The following ZSWIM5 variants were observed in gnomAD, a reference collection of about 807,000 sequenced individuals.
ZSWIM5 encodes zinc finger SWIM domain-containing protein 5.
ZSWIM5 carries 55 observed loss-of-function variants against 119.6 expected under a neutral mutation model. That is an observed-to-expected ratio of 0.46 (90% confidence interval 0.37 to 0.58). The LOEUF (loss-of-function observed/expected upper bound fraction) is 0.58, where lower values mean the gene tolerates loss of function less well. ZSWIM5 is among the 20% of genes least tolerant of loss of function. The probability of loss-of-function intolerance (pLI) is 0.00; values close to 1 mark genes in which losing one functional copy is unlikely to be tolerated. For missense variants in ZSWIM5, 1,193 were observed against 1,512.8 expected, an observed-to-expected ratio of 0.79 and a Z score of 3.51; for synonymous variants, 537 against 606.9, an observed-to-expected ratio of 0.88 and a Z score of 1.69.
chr1:45,078,071 A>G (rs774916119), intron 2 of ZSWIM5, among the ~76,000 whole-genome samples: 3 of 152,240 alleles, frequency 2.0e-5, no homozygotes, highest in African/African-American at 4.8e-5. Flanking sequence ...GACAGGATTA[A>G]GAGATTAAAG....
chr1:45,174,253 G>A (rs2149046248), intron 1 of ZSWIM5, among the ~76,000 whole-genome samples: 1 of 152,132 alleles, frequency 6.6e-6, no homozygotes, highest in East Asian at 1.9e-4. Context: ...CAGCCTGGGT[G>A]AGAAAGCGAG....
intron 1 of ZSWIM5, among the ~76,000 whole-genome samples, chr1:45,092,548 C>G (rs532434407): frequency 1.8e-5 from 2 of 113,470 alleles, no homozygotes; most frequent in African/African-American, 3.4e-5. Context: ...ACCCCCCCCC[C>G]CCCGCCAGCC....
At chr1:45,105,029 G>C (rs910720633) in intron 1 of ZSWIM5, among the ~76,000 whole-genome samples, 2 of 152,112 alleles carry the variant, frequency 1.3e-5, no homozygotes, top group African/African-American at 4.8e-5. Flanking sequence ...TCGGCTCGCC[G>C]CAACCTCCCT....
At position 45,206,586 on chromosome 1, in the gene ZSWIM5, G is replaced by A. The variant is rs1646194355; in HGVS notation, c.-236C>T. On this transcript the variant is annotated 5_prime_UTR_variant, in exon 1 of 14. Transcript: ENST00000359600. ...GCGTGAGGCGGCGCGCGGTGTCCTG[G>A]CCGCCGCGGACGCGAAGACAGGCGG... 2 of 971,124 alleles carry A rather than the reference G, an allele frequency of 2.1e-6. No individual in the cohort carries two copies. Among genetic ancestry groups the A allele is most frequent in the South Asian group, 4.8e-5 (1 of 20,954 alleles). The allele number at this position is 971,124 out of a possible 1,614,324, so 60.2% of individuals were successfully genotyped here. A position where few individuals can be genotyped will look rare whatever the true frequency, so the allele number is the denominator to read the frequency against.
chr1:45,185,415 G>A (rs145010297), intron 1 of ZSWIM5, among the ~76,000 whole-genome samples: 2 of 151,180 alleles, frequency 1.3e-5, no homozygotes, highest in Middle Eastern at 3.4e-3. Context: ...CTAATTAAAC[G>A]AAAGAGCTTC....
intron 2 of ZSWIM5, among the ~76,000 whole-genome samples, chr1:45,080,647 G>A (rs1645284639): frequency 6.6e-6 from 1 of 151,718 alleles, no homozygotes; most frequent in African/African-American, 2.4e-5. Flanking sequence ...GTGTGTAGAT[G>A]GTTCTTAGAT....
In ZSWIM5 at chr1:45,190,927, A is replaced by ATTTTTTTT. The variant is rs746764436; in HGVS notation, c.595+14821_595+14828dup. Among the ~76,000 whole-genome samples the ATTTTTTTT allele has an allele frequency of 4.1e-3, 199 of 49,004 alleles. 51 individuals carry two copies. Among genetic ancestry groups the ATTTTTTTT allele is most frequent in the East Asian group, 0.022 (27 of 1,218 alleles). The allele number at this position is 49,004 out of a possible 152,430, so 32.1% of individuals were successfully genotyped here. On this transcript the variant is annotated intron_variant, in intron 1 of 13. Transcript: ENST00000359600. ...TCCATGTTCGACTGAAATAGCTGGA[A>ATTTTTTTT]TTTTTTTTTTTTTTTTTTTTTTTTT... is the stretch of plus-strand genomic sequence containing the variant.
At position 45,040,382 on chromosome 1, in the gene ZSWIM5, A is replaced by G; in HGVS notation, c.1756+10T>C. On this transcript the variant is annotated intron_variant, in intron 7 of 13. Transcript: ENST00000359600. ...GCCTAAGGGGGTTAGATGGCTCCTA[A>G]TTACTATACCTTTCTTCTGATGCTT... The G allele has an allele frequency of 6.2e-7, 1 of 1,600,300 alleles. No individual in the cohort carries two copies. The highest frequency in any genetic ancestry group is 8.5e-7 in the Non-Finnish European group (1 of 1,173,804).
At chr1:45,157,256 C>A (rs1456107919) in intron 1 of ZSWIM5, among the ~76,000 whole-genome samples, 1 of 152,138 alleles carries the variant, frequency 6.6e-6, no homozygotes, top group Non-Finnish European at 1.5e-5. Flanking sequence ...CTCACTGCAG[C>A]CTCGACCTCC....
intron 5 of ZSWIM5, among the ~76,000 whole-genome samples, chr1:45,046,406 GC>G (rs1380712637): frequency 1.3e-5 from 2 of 152,162 alleles, no homozygotes; most frequent in East Asian, 3.8e-4. Context: ...TATTGGATTT[GC>G]TCATGGATTA....
rs902557547 is a variant in ZSWIM5 at position 45,175,877 on chromosome 1, T to C, written c.595+29879A>G. Among the ~76,000 whole-genome samples the C allele has an allele frequency of 1.9e-4, 29 of 152,100 alleles. No individual in the cohort carries two copies. The East Asian group carries it at 5.0e-3, about 26-fold the overall frequency. On this transcript the variant is annotated intron_variant, in intron 1 of 13. Coordinates refer to ENST00000359600, the MANE Select transcript of ZSWIM5 (RefSeq NM_020883.2). ...ATCCCATATTTGGCTAATGGGAATCTCTTCAAAGCTGGCTTTTGTATCCTT... is the reference window on the plus strand; with the variant it reads ...ATCCCATATTTGGCTAATGGGAATCCCTTCAAAGCTGGCTTTTGTATCCTT...
intron 2 of ZSWIM5, among the ~76,000 whole-genome samples, chr1:45,081,006 G>C (rs766729545): frequency 3.9e-5 from 6 of 152,166 alleles, no homozygotes; most frequent in Non-Finnish European, 8.8e-5. Context: ...TTAAAAGCAG[G>C]CAGCTAGCAG....
chr1:45,076,198 T>C (rs184023580), intron 2 of ZSWIM5, among the ~76,000 whole-genome samples: 5 of 152,342 alleles, frequency 3.3e-5, no homozygotes, highest in African/African-American at 9.6e-5. Context: ...GTCTACTTAC[T>C]ATCACCAGTG....
In ZSWIM5 at chr1:45,018,107, C is replaced by G. The variant is rs913675359; in HGVS notation, c.*347G>C. On this transcript the variant is annotated 3_prime_UTR_variant, in exon 14 of 14. Coordinates refer to ENST00000359600, the MANE Select transcript of ZSWIM5 (RefSeq NM_020883.2). The surrounding 1 kb of genome is among the most constrained non-coding windows in gnomAD (Gnocchi z 6.7). ...CAGTCCCACAAATGTGTCTGTTTCTCTGGTTAAGCAATCCCTGAGATGGAA... is the reference window on the plus strand; with the variant it reads ...CAGTCCCACAAATGTGTCTGTTTCTGTGGTTAAGCAATCCCTGAGATGGAA... 4.0e-5 allele frequency: 12 copies of G among 300,514 alleles called. No individual in the cohort carries two copies. Among genetic ancestry groups the G allele is most frequent in the Non-Finnish European group, 6.8e-5 (11 of 160,888 alleles). 18.6% of individuals were successfully genotyped at this position (300,514 alleles called of 1,614,324 possible).
intron 11 of ZSWIM5, among the ~76,000 whole-genome samples, chr1:45,025,368 T>A (rs1644915068): frequency 6.6e-6 from 1 of 152,168 alleles, no homozygotes; most frequent in African/African-American, 2.4e-5. Context: ...ATTGCTGGGA[T>A]TTTGATTGGG....
intron 1 of ZSWIM5, among the ~76,000 whole-genome samples, chr1:45,116,912 A>T (rs1645562169): frequency 6.6e-6 from 1 of 152,234 alleles, no homozygotes; most frequent in South Asian, 2.1e-4. Context: ...ACAGATAAAA[A>T]ACACAAAAGA....
chr1:45,180,063 G>A (rs1646006031), intron 1 of ZSWIM5, among the ~76,000 whole-genome samples: 1 of 152,146 alleles, frequency 6.6e-6, no homozygotes, highest in South Asian at 2.1e-4. Context: ...TCTCACTAGG[G>A]AGTGCCAGAT....
At chr1:45,091,979 T>C (rs995234257) in intron 1 of ZSWIM5, among the ~76,000 whole-genome samples, 3 of 152,102 alleles carry the variant, frequency 2.0e-5, no homozygotes, top group African/African-American at 4.8e-5. Flanking sequence ...TACAAAAACA[T>C]TGGACCTCAG....
At chr1:45,149,780 T>G (rs949590432) in intron 1 of ZSWIM5, among the ~76,000 whole-genome samples, 11 of 152,224 alleles carry the variant, frequency 7.2e-5, no homozygotes, top group African/African-American at 2.4e-4. Context: ...TTTATCACAT[T>G]CTTTATAAAA....
Sources: gnomAD v4.1 joint callset for allele counts (sites outside exome capture counted in the v4.1 genomes callset) on GRCh38, gnomAD v4.1.1 for gene constraint, Gnocchi (gnomAD v3.1) non-coding constraint, MANE v1.5 for transcripts, NCBI Gene and HGNC (gene_info 2026-07-23, HGNC 2026-07-21) for gene names.